FAM153A: variants seen among roughly 807,000 people sequenced by gnomAD.
FAM153A encodes protein FAM153A.
Under a neutral mutation model 48.1 loss-of-function variants are expected in FAM153A, and 12 were observed. The observed-to-expected ratio is 0.25, with a 90% confidence interval of 0.16 to 0.40. The LOEUF (loss-of-function observed/expected upper bound fraction) is 0.40, where lower values mean the gene tolerates loss of function less well. FAM153A is among the 10% of genes least tolerant of loss of function. The pLI is 1.00. For missense variants in FAM153A, 111 were observed against 345.8 expected (o/e 0.32, Z 5.38); for synonymous variants, 36 against 118.2 (o/e 0.30, Z 4.51).
the FAM153A span, among the ~76,000 whole-genome samples, chr5:177,696,175 C>A: frequency 8.1e-6 from 1 of 123,288 alleles, no homozygotes; most frequent in South Asian, 2.8e-4. Flanking sequence ...GCACTCCTCA[C>A]TTCCTAGATG....
the FAM153A span, among the ~76,000 whole-genome samples, chr5:177,698,120 G>A: frequency 1.3e-5 from 2 of 151,638 alleles, no homozygotes; most frequent in African/African-American, 4.9e-5. Context: ...TGGCTCTTTA[G>A]TTCTAGTTAG....
rs1175898302 is a variant in FAM153A at position 177,753,084 on chromosome 5, G to A, written c.31+92C>T. ...AATCTGTAGACAAATAGGAGCTGGG[G>A]AAATTAAAAAAATCAGAATGACATT... On this transcript the variant is annotated intron_variant, in intron 1 of 20. Transcript: ENST00000614127. 8 of 907,198 alleles carry A rather than the reference G, an allele frequency of 8.8e-6. No individual in the cohort carries two copies. The Admixed American group carries it at 1.2e-4, about 14-fold the overall frequency. 56.2% of individuals were successfully genotyped at this position (907,198 alleles called of 1,614,324 possible). A position where few individuals can be genotyped will look rare whatever the true frequency, so the allele number is the denominator to read the frequency against.
At chr5:177,729,309 G>A (rs1426699123) in intron 17 of FAM153A, among the ~76,000 whole-genome samples, 176 bp downstream of exon 19, 1 of 121,640 alleles carries the variant, frequency 8.2e-6, no homozygotes, top group Non-Finnish European at 1.9e-5. Context: ...GTTTGTAAGT[G>A]TGGATGCCAT....
At chr5:177,710,497 T>C (rs1758315170), downstream of FAM153A, among the ~76,000 whole-genome samples, 1 of 151,764 alleles carries the variant, frequency 6.6e-6, no homozygotes, top group African/African-American at 2.4e-5. Flanking sequence ...GAGCAGTGTT[T>C]TGTTCTCTGG....
chr5:177,721,940 A>T (rs1410338294), downstream of FAM153A: 1 of 151,046 alleles, frequency 6.6e-6, no homozygotes, highest in East Asian at 1.9e-4. Context: ...ATGAGGTAAA[A>T]GTCATTAAGA....
chr5:177,707,200 C>T (rs1349211451), downstream of FAM153A, among the ~76,000 whole-genome samples: 2 of 151,914 alleles, frequency 1.3e-5, no homozygotes, highest in East Asian at 3.9e-4. Context: ...CAGGTAATTA[C>T]AGAACATTTC....
At chr5:177,713,479 G>C (rs1211695619) in intron 26 of FAM153A, among the ~76,000 whole-genome samples, 1 of 151,088 alleles carries the variant, frequency 6.6e-6, no homozygotes, top group African/African-American at 2.5e-5. Context: ...GGACGGTCTC[G>C]ATCTCCTGAC....
chr5:177,697,439 C>G, the FAM153A span, among the ~76,000 whole-genome samples: 1 of 151,582 alleles, frequency 6.6e-6, no homozygotes, highest in Non-Finnish European at 1.5e-5. Context: ...TTTCTACTGT[C>G]AGTAATGAAC....
upstream of FAM153A, among the ~76,000 whole-genome samples, chr5:177,781,018 A>G (rs1582554121): frequency 1.7e-5 from 1 of 57,950 alleles, no homozygotes; most frequent in East Asian, 4.8e-4. Context: ...TCCTATTTAC[A>G]TAAGAAACTT....
intron 1 of FAM153A, among the ~76,000 whole-genome samples, chr5:177,759,544 G>A (rs1214751050): frequency 1.3e-5 from 2 of 151,606 alleles, no homozygotes; most frequent in African/African-American, 4.9e-5. Flanking sequence ...ATTCACAATA[G>A]CAAAGACTTG....
the FAM153A span, among the ~76,000 whole-genome samples, chr5:177,694,957 T>G: frequency 1.3e-5 from 2 of 151,724 alleles, no homozygotes; most frequent in Non-Finnish European, 2.9e-5. Flanking sequence ...GGAGTCTCAC[T>G]TGGTTGCCCA....
At chr5:177,701,362 A>AT in the FAM153A span, among the ~76,000 whole-genome samples, 1 of 151,780 alleles carries the variant, frequency 6.6e-6, no homozygotes, top group Non-Finnish European at 1.5e-5. Flanking sequence ...CTATGAGTAA[A>AT]TGACCAGCCT....
At chr5:177,738,837 A>G (rs999998293) in intron 10 of FAM153A, among the ~76,000 whole-genome samples, 5 of 151,664 alleles carry the variant, frequency 3.3e-5, no homozygotes, top group Non-Finnish European at 7.4e-5. Flanking sequence ...CATCCTCCCA[A>G]AGACATTCAT....
Position 177,741,527 on chromosome 5 carries a change from G to A in FAM153A, c.365-195C>T, listed in dbSNP as rs1480645581. Among the ~76,000 whole-genome samples, 10 of 104,342 alleles carry A rather than the reference G, an allele frequency of 9.6e-5. 1 individual carries two copies. Among genetic ancestry groups the A allele is most frequent in the African/African-American group, 3.3e-4 (10 of 30,272 alleles). 68.5% of individuals were successfully genotyped at this position (104,342 alleles called of 152,430 possible). ...CCATCAGGAAACCACGGAAGACAGA[G>A]CCTTGGCAGCACAGACATGCACTGC... On this transcript the variant is annotated intron_variant, in intron 6 of 20. Coordinates refer to ENST00000614127, the Ensembl canonical transcript of FAM153A.
rs144516869 is a variant in FAM153A at position 177,715,429 on chromosome 5, C to T, written c.*1222+916G>A. 3.8e-4 allele frequency among the ~76,000 whole-genome samples: 58 copies of T among 151,620 alleles called. 3 individuals are homozygous for T. The East Asian group carries it at 0.011, about 28-fold the overall frequency. Reference sequence around the variant, plus strand: ...CAAATCAAGGACACAATACTGTTCCCTCAGGTAGCACAAATTGCATGGGCT... The same window carrying T: ...CAAATCAAGGACACAATACTGTTCCTTCAGGTAGCACAAATTGCATGGGCT... On this transcript the variant is annotated intron_variant and NMD_transcript_variant, in intron 25 of 26. Transcript: ENST00000360669.
exon 12 of FAM153A, chr5:177,736,604 C>T (rs1446623461): frequency 1.3e-6 from 2 of 1,588,216 alleles, no homozygotes; most frequent in Non-Finnish European, 1.7e-6. Context: ...CTGGGTCCCC[C>T]TCCATCTAGA....
the FAM153A span, among the ~76,000 whole-genome samples, chr5:177,695,259 T>C: frequency 2.8e-5 from 4 of 145,240 alleles, no homozygotes; most frequent in African/African-American, 7.9e-5. Context: ...TGTGACTCTT[T>C]TTAAGCTATT....
rs1582372083 is a variant in FAM153A, at chr5:177,734,714, A to C, written c.735+149T>G. On this transcript the variant is annotated intron_variant, in intron 13 of 20. Coordinates refer to ENST00000614127, the Ensembl canonical transcript of FAM153A. ...CTCCCACTGTCTTAAATCAAGCCTC[A>C]GTGGGGACAGACTCTCACTTACCAT... is the stretch of plus-strand genomic sequence containing the variant. 5.8e-6 allele frequency: 7 copies of C among 1,199,400 alleles called. No homozygotes were observed. The South Asian group carries it at 6.0e-5, about 10-fold the overall frequency. The allele number at this position is 1,199,400 out of a possible 1,614,324, so 74.3% of individuals were successfully genotyped here.
intron 24 of FAM153A, among the ~76,000 whole-genome samples, chr5:177,716,735 G>A (rs914722830): frequency 1.3e-5 from 2 of 151,824 alleles, no homozygotes; most frequent in Non-Finnish European, 2.9e-5. Context: ...ATTGACATAT[G>A]CATAAAGCTT....
Sources: allele counts gnomAD v4.1 joint callset (sites outside exome capture counted in the v4.1 genomes callset), GRCh38; gene constraint gnomAD v4.1.1; transcripts MANE v1.5; gene names NCBI Gene and HGNC (gene_info 2026-07-23, HGNC 2026-07-21).